Variants in CAPS2 observed in about 807,000 individuals in gnomAD.
The protein encoded by CAPS2 is calcyphosine 2, also known as calcyphosin-2.
In CAPS2, 98 loss-of-function variants were observed where a neutral mutation model predicts 86.5. That is an observed-to-expected ratio of 1.13 (90% CI 0.96 to 1.34). CAPS2 has a LOEUF of 1.34. Among genes scored for constraint, CAPS2 ranks in the 40% most tolerant of loss-of-function variants. The pLI is 0.00. For synonymous variants in CAPS2, 210 were observed against 225.1 expected (o/e 0.93, Z 0.60); for missense variants, 729 against 686.8 (o/e 1.06, Z -0.69).
chr12:75,283,639 C>A (rs969022284), intron 15 of CAPS2, among the ~76,000 whole-genome samples: 1 of 151,926 alleles, frequency 6.6e-6, no homozygotes, highest in Non-Finnish European at 1.5e-5. Flanking sequence ...CATGGAGAAA[C>A]CCTGTCTCTA....
At chr12:75,284,686 G>C (rs1316657021) in intron 15 of CAPS2, among the ~76,000 whole-genome samples, 1 of 151,968 alleles carries the variant, frequency 6.6e-6, no homozygotes, top group Non-Finnish European at 1.5e-5. Flanking sequence ...GTCATTTATG[G>C]AGGCAACAAC....
intron 1 of CAPS2, among the ~76,000 whole-genome samples, chr12:75,384,384 C>T (rs2045171018): frequency 1.3e-5 from 2 of 152,066 alleles, no homozygotes; most frequent in South Asian, 4.2e-4. Flanking sequence ...CAACTCCACA[C>T]CCACAAACTT....
intron 11 of CAPS2, among the ~76,000 whole-genome samples, 164 bp from the exon 12 acceptor site, chr12:75,293,531 A>C: frequency 6.6e-6 from 1 of 152,364 alleles, no homozygotes; most frequent in Middle Eastern, 3.4e-3. Flanking sequence ...GAAACTATAT[A>C]GATAAACCAA....
At chr12:75,378,102 A>G (rs889510584) in intron 1 of CAPS2, among the ~76,000 whole-genome samples, 3 of 151,888 alleles carry the variant, frequency 2.0e-5, no homozygotes, top group Admixed American at 6.6e-5. Context: ...GGCTCAAGCA[A>G]TTCTCCCACC....
intron 1 of CAPS2, among the ~76,000 whole-genome samples, chr12:75,355,304 G>T (rs2043080864): frequency 6.6e-6 from 1 of 152,102 alleles, no homozygotes; most frequent in African/African-American, 2.4e-5. Flanking sequence ...ATTCAAAAAT[G>T]GGCAAAAGAC....
At chr12:75,328,640 A>C (rs182963591), upstream of CAPS2, among the ~76,000 whole-genome samples, 241 of 152,360 alleles carry the variant, frequency 1.6e-3, no homozygotes, top group South Asian at 0.011. Context: ...CTTTCTCTGC[A>C]TCTAACTGTA....
upstream of CAPS2, among the ~76,000 whole-genome samples, chr12:75,330,794 T>C (rs537730802): frequency 1.2e-3 from 187 of 152,118 alleles, no homozygotes; most frequent in African/African-American, 4.2e-3. Flanking sequence ...TTGCCTTTTT[T>C]TTTTTTTGAG....
At chr12:75,289,522 G>A (rs2035476625) in intron 14 of CAPS2, 99 bp downstream of exon 14, 7 of 1,084,218 alleles carry the variant, frequency 6.5e-6, no homozygotes, top group African/African-American at 1.6e-5. Flanking sequence ...GCATAGAGAA[G>A]GAGAAAATAA....
At chr12:75,355,787 C>T (rs1284984848) in intron 1 of CAPS2, among the ~76,000 whole-genome samples, 2 of 152,122 alleles carry the variant, frequency 1.3e-5, no homozygotes, top group African/African-American at 4.8e-5. Context: ...ACATGGAATA[C>T]TATGCAGCCA....
chr12:75,361,235 C>T (rs939674836), intron 1 of CAPS2, among the ~76,000 whole-genome samples: 1 of 152,042 alleles, frequency 6.6e-6, no homozygotes, highest in African/African-American at 2.4e-5. Flanking sequence ...AAAGTGAAGA[C>T]ACCACTCAAA....
At chr12:75,318,459 C>G (rs2039991516) in intron 5 of CAPS2, among the ~76,000 whole-genome samples, 1 of 152,104 alleles carries the variant, frequency 6.6e-6, no homozygotes, top group Non-Finnish European at 1.5e-5. Flanking sequence ...CCTGATCTGC[C>G]TCCCAAACTC....
At chr12:75,291,538 G>GTA (rs5799217) in intron 13 of CAPS2, among the ~76,000 whole-genome samples, 7,015 of 25,890 alleles carry the variant, frequency 0.27, 1,066 homozygotes, top group African/African-American at 0.38. Flanking sequence ...ATTTTAAAAA[G>GTA]TATATATATA....
At chr12:75,384,181 T>C (rs2045156922) in intron 1 of CAPS2, among the ~76,000 whole-genome samples, 1 of 151,960 alleles carries the variant, frequency 6.6e-6, no homozygotes, top group Admixed American at 6.6e-5. Context: ...ATCAATAAAA[T>C]TGAAAACAAA....
Position 75,316,417 on chromosome 12 carries a change from T to G in CAPS2, c.486A>C (p.Glu162Asp), listed in dbSNP as rs1158705437. 6 of 1,549,792 alleles carry G rather than the reference T, an allele frequency of 3.9e-6. No homozygotes were observed. The South Asian group carries it at 7.2e-5, about 19-fold the overall frequency. The change falls in exon 6 of 17, where the codon GAA (glutamate) becomes GAC (aspartate). Residue 162 changes from glutamate (E) to aspartate (D), a missense_variant. Glu to Asp is a conservative substitution (Grantham distance 45). Coordinates refer to ENST00000393284, the Ensembl canonical transcript of CAPS2. ...GAGTCGTAAGGTCATCTGTGTTGGC[T>G]TCTTCATCTTGCACACACTATGCAT...
chr12:75,314,849 A>G (rs554713799), intron 6 of CAPS2, among the ~76,000 whole-genome samples: 3 of 152,230 alleles, frequency 2.0e-5, no homozygotes, highest in African/African-American at 7.2e-5. Context: ...CCGTAGGCAC[A>G]CTGATTTAGA....
At chr12:75,370,111 A>G (rs778175786) in intron 1 of CAPS2, 10 of 1,607,102 alleles carry the variant, frequency 6.2e-6, no homozygotes, top group South Asian at 1.1e-5. Context: ...GCCAACGGGG[A>G]GAGCACCTCA....
intron 16 of CAPS2, 94 bp from the exon 17 acceptor site, chr12:75,279,159 C>T: frequency 4.4e-6 from 5 of 1,132,598 alleles, no homozygotes; most frequent in Non-Finnish European, 5.0e-6. Flanking sequence ...TTATGAAATA[C>T]TTTCAACAAT....
At chr12:75,326,624 A>G (rs1480182535), upstream of CAPS2, 10 of 656,738 alleles carry the variant, frequency 1.5e-5, no homozygotes, top group Non-Finnish European at 2.7e-5. Context: ...GAAAGAAATC[A>G]TAAGGTTAAT....
At chr12:75,284,989 T>C (rs1199403568) in exon 15 of CAPS2, 21 of 1,608,070 alleles carry the variant, frequency 1.3e-5, no homozygotes, top group Non-Finnish European at 1.7e-5. Flanking sequence ...CCTGTATTCA[T>C]TCATTTCACC....
Sources: allele counts gnomAD v4.1 joint callset (sites outside exome capture counted in the v4.1 genomes callset), GRCh38; gene constraint gnomAD v4.1.1; transcripts MANE v1.5; gene names NCBI Gene and HGNC (gene_info 2026-07-23, HGNC 2026-07-21).